Variants in ROBO1 observed in about 807,000 individuals in gnomAD.
ROBO1 encodes the protein roundabout homolog 1.
ROBO1 carries 149 observed loss-of-function variants against 195.9 expected under a neutral mutation model. The ratio of observed to expected loss-of-function variants is 0.76; its 90% CI spans 0.67 to 0.87. The LOEUF is 0.87. Among genes scored for constraint, ROBO1 ranks in the 40% least tolerant of loss-of-function variants. The pLI, the probability that ROBO1 is intolerant of heterozygous loss-of-function variation, is 0.00. For synonymous variants in ROBO1, 816 were observed against 733.2 expected, an observed-to-expected ratio of 1.11 and a Z score of -1.82; for missense variants, 1,933 against 2,068.3, an observed-to-expected ratio of 0.93 and a Z score of 1.27.
intron 1 of ROBO1, among the ~76,000 whole-genome samples, chr3:79,615,456 A>G (rs971870804): frequency 2.0e-5 from 3 of 152,188 alleles, no homozygotes; most frequent in Admixed American, 2.0e-4. Flanking sequence ...CCTTGGGCAC[A>G]TGTTCTGAGG....
At chr3:79,020,645 T>A (rs533407422) in intron 3 of ROBO1, among the ~76,000 whole-genome samples, 2 of 152,166 alleles carry the variant, frequency 1.3e-5, no homozygotes, top group Non-Finnish European at 2.9e-5. Context: ...TGAGCCGAGA[T>A]AACTTGCCAC....
intron 1 of ROBO1, among the ~76,000 whole-genome samples, chr3:79,738,589 C>T (rs184596159): frequency 1.4e-4 from 21 of 152,152 alleles, no homozygotes; most frequent in African/African-American, 4.1e-4. Context: ...TTAAAAACAA[C>T]GAAGAGTTCA....
At chr3:79,548,194 T>A (rs1010703469) in intron 2 of ROBO1, among the ~76,000 whole-genome samples, 16 of 152,182 alleles carry the variant, frequency 1.1e-4, no homozygotes, top group African/African-American at 3.9e-4. Flanking sequence ...ATTTCCTACC[T>A]CTTTACTCCT....
In ROBO1 at chr3:79,089,804, C is replaced by T. The variant is rs545390453; in HGVS notation, c.172+35652G>A. ...TGCATGTGTTTGCTTGATACATTTG[C>T]TTTTCATAAATTTTCTGTTCCAATC... On this transcript the variant is annotated intron_variant, in intron 3 of 30. Coordinates refer to ENST00000464233, the MANE Select transcript of ROBO1 (RefSeq NM_002941.4). Among the ~76,000 whole-genome samples the T allele has an allele frequency of 7.9e-5, 12 of 152,222 alleles. No homozygotes were observed. In the South Asian group the frequency reaches 1.4e-3, roughly 18 times the overall value.
chr3:79,642,188 T>G (rs555450473), intron 1 of ROBO1, among the ~76,000 whole-genome samples: 2 of 152,108 alleles, frequency 1.3e-5, no homozygotes, highest in African/African-American at 4.8e-5. Flanking sequence ...GTGAAAATAA[T>G]CAGTGAGCTT....
chr3:79,452,494 T>C (rs750056483), intron 2 of ROBO1, among the ~76,000 whole-genome samples: 13 of 152,108 alleles, frequency 8.5e-5, no homozygotes. Context: ...TATTTCATAA[T>C]TGATTACCAT....
At chr3:79,668,339 G>GT (rs539890728) in intron 1 of ROBO1, among the ~76,000 whole-genome samples, 1,603 of 148,190 alleles carry the variant, frequency 0.011, 16 homozygotes, top group African/African-American at 0.016. Context: ...AAAACATGGT[G>GT]TTTTTTTTTG....
At chr3:78,902,327 T>C (rs1460672280) in intron 4 of ROBO1, among the ~76,000 whole-genome samples, 2 of 152,184 alleles carry the variant, frequency 1.3e-5, no homozygotes, top group African/African-American at 4.8e-5. Flanking sequence ...AAGGATTCTC[T>C]TATCATATTG....
At chr3:79,034,060 A>G (rs2078341243) in intron 3 of ROBO1, among the ~76,000 whole-genome samples, 2 of 152,198 alleles carry the variant, frequency 1.3e-5, no homozygotes, top group African/African-American at 2.4e-5. Context: ...TCTAGATTGT[A>G]TTCACATCTC....
chr3:79,280,484 C>G (rs919264350), intron 2 of ROBO1, among the ~76,000 whole-genome samples: 21 of 152,112 alleles, frequency 1.4e-4, no homozygotes, highest in African/African-American at 5.1e-4. Flanking sequence ...ATAAAACACA[C>G]CTAACTACAG....
At chr3:79,663,564 C>A (rs749262443) in intron 1 of ROBO1, among the ~76,000 whole-genome samples, 6 of 152,156 alleles carry the variant, frequency 3.9e-5, no homozygotes, top group Non-Finnish European at 5.9e-5. Context: ...GTTGCCCAGG[C>A]TGGTCTCTCC....
intron 3 of ROBO1, among the ~76,000 whole-genome samples, chr3:78,998,964 A>C (rs1576539405): frequency 6.6e-6 from 1 of 152,208 alleles, no homozygotes; most frequent in Non-Finnish European, 1.5e-5. Context: ...AAAATATGAA[A>C]AAATGCTCCA....
intron 18 of ROBO1, among the ~76,000 whole-genome samples, chr3:78,655,916 C>T (rs1706976329): frequency 6.6e-6 from 1 of 152,122 alleles, no homozygotes; most frequent in South Asian, 2.1e-4. Flanking sequence ...CATAAAGGTG[C>T]TATATGCTTC....
intron 2 of ROBO1, among the ~76,000 whole-genome samples, chr3:79,146,034 A>C (rs2080642255): frequency 2.8e-5 from 2 of 71,086 alleles, no homozygotes; most frequent in African/African-American, 1.3e-4. Flanking sequence ...AAAGATAAAG[A>C]AAGCAAAAAA....
intron 4 of ROBO1, among the ~76,000 whole-genome samples, chr3:78,883,873 G>T (rs752588643): frequency 6.6e-6 from 1 of 152,126 alleles, no homozygotes; most frequent in African/African-American, 2.4e-5. Flanking sequence ...TTTTGAGAAT[G>T]AGAGGCCTGA....
chr3:78,662,739 C>G (rs940678613), intron 14 of ROBO1, among the ~76,000 whole-genome samples: 1 of 151,966 alleles, frequency 6.6e-6, no homozygotes. Context: ...AAGTACTTAA[C>G]GTTTATTTAA....
intron 2 of ROBO1, among the ~76,000 whole-genome samples, chr3:79,460,334 T>A (rs1937590385): frequency 6.6e-6 from 1 of 152,196 alleles, no homozygotes; most frequent in Admixed American, 6.5e-5. Context: ...TGTGGCCCAA[T>A]TTACAAAATC....
intron 1 of ROBO1, among the ~76,000 whole-genome samples, chr3:79,735,920 C>T (rs1377771917): frequency 6.6e-6 from 1 of 151,486 alleles, no homozygotes; most frequent in Non-Finnish European, 1.5e-5. Context: ...GACACTGCCT[C>T]ATAGATTCAT....
At chr3:79,501,207 G>C (rs1056791416) in intron 2 of ROBO1, among the ~76,000 whole-genome samples, 21 of 152,134 alleles carry the variant, frequency 1.4e-4, no homozygotes, top group African/African-American at 4.6e-4. Context: ...CTGTTCTATG[G>C]TTTTTGAGAT....
Sources: gnomAD v4.1 joint callset for allele counts (sites outside exome capture counted in the v4.1 genomes callset) on GRCh38, gnomAD v4.1.1 for gene constraint, MANE v1.5 for transcripts, NCBI Gene and HGNC (gene_info 2026-07-23, HGNC 2026-07-21) for gene names.